Variants in PACSIN2 observed in about 807,000 individuals in gnomAD.
PACSIN2 encodes the protein protein kinase C and casein kinase substrate in neurons 2, also known as protein kinase C and casein kinase substrate in neurons protein 2.
A neutral mutation model predicts 63.8 loss-of-function variants in PACSIN2; 25 were observed. The observed-to-expected ratio is 0.39, with a 90% CI of 0.29 to 0.55. PACSIN2 has a LOEUF of 0.55. Among genes scored for constraint, PACSIN2 ranks in the 20% least tolerant of loss-of-function variants. The pLI, the probability that PACSIN2 is intolerant of heterozygous loss-of-function variation, is 0.62. For synonymous variants in PACSIN2, 255 were observed against 256.2 expected, an observed-to-expected ratio of 1.00 and a Z score of 0.05; for missense variants, 518 against 646.9, an observed-to-expected ratio of 0.80 and a Z score of 2.16.
At position 42,980,133 on chromosome 22, in the gene PACSIN2, A is replaced by G. The variant is rs181319574; in HGVS notation, c.-78+34888T>C. 3.1e-3 allele frequency among the ~76,000 whole-genome samples: 468 copies of G among 152,366 alleles called. 3 individuals carry two copies. Among genetic ancestry groups the G allele is most frequent in the African/African-American group, 0.011 (461 of 41,576 alleles). On this transcript the variant is annotated intron_variant, in intron 1 of 10. Coordinates refer to ENST00000263246, the MANE Select transcript of PACSIN2 (RefSeq NM_001184970.3). ...AAATTATAGGTATGGCAAAACAAGT[A>G]TAGAGTATTGGGTGAAAATTTGTAA...
At chr22:42,998,577 A>C (rs761325058) in intron 1 of PACSIN2, among the ~76,000 whole-genome samples, 24 of 152,236 alleles carry the variant, frequency 1.6e-4, no homozygotes, top group Admixed American at 5.2e-4. Flanking sequence ...TCCAGATGAC[A>C]AAAGGCTACT....
chr22:42,980,579 C>T (rs1922028187), intron 1 of PACSIN2, among the ~76,000 whole-genome samples: 1 of 135,770 alleles, frequency 7.4e-6, no homozygotes, highest in African/African-American at 2.8e-5. Flanking sequence ...CTCACTGCAA[C>T]CTCCCTGCCT....
intron 5 of PACSIN2, among the ~76,000 whole-genome samples, chr22:42,886,930 T>A (rs542543695): frequency 1.5e-4 from 23 of 152,308 alleles, no homozygotes; most frequent in Non-Finnish European, 2.4e-4. Flanking sequence ...CTGTCAAACA[T>A]GAAAGGCCTC....
chr22:42,978,382 A>G (rs1049741500), intron 1 of PACSIN2, among the ~76,000 whole-genome samples: 11 of 152,214 alleles, frequency 7.2e-5, no homozygotes, highest in African/African-American at 2.4e-4. Flanking sequence ...TAACAAATCC[A>G]ATAACCTATA....
At chr22:42,974,993 G>C (rs1921592220) in intron 1 of PACSIN2, among the ~76,000 whole-genome samples, 1 of 152,094 alleles carries the variant, frequency 6.6e-6, no homozygotes, top group Non-Finnish European at 1.5e-5. Flanking sequence ...ACTGTGCCAG[G>C]GCCTAGAATG....
chr22:43,003,283 G>T (rs1923878752), intron 1 of PACSIN2, among the ~76,000 whole-genome samples: 1 of 152,204 alleles, frequency 6.6e-6, no homozygotes, highest in Non-Finnish European at 1.5e-5. Flanking sequence ...GAAGTCATTT[G>T]ACACAAAAGT....
intron 1 of PACSIN2, among the ~76,000 whole-genome samples, chr22:42,997,178 T>A (rs1923463460): frequency 6.6e-6 from 1 of 152,158 alleles, no homozygotes; most frequent in South Asian, 2.1e-4. Context: ...GAATGTAAGA[T>A]CATGGACTAC....
At chr22:42,984,994 G>T (rs969114914) in intron 1 of PACSIN2, among the ~76,000 whole-genome samples, 1 of 152,188 alleles carries the variant, frequency 6.6e-6, no homozygotes, top group African/African-American at 2.4e-5. Flanking sequence ...GGCAACCAAA[G>T]GTCAGGAAAG....
intron 1 of PACSIN2, among the ~76,000 whole-genome samples, chr22:43,014,138 A>G (rs1445951570): frequency 6.6e-6 from 1 of 151,980 alleles, no homozygotes; most frequent in Admixed American, 6.6e-5. Flanking sequence ...TACCTCTCCA[A>G]TTGCGGACCT....
chr22:42,964,355 T>C (rs935017369), intron 1 of PACSIN2, among the ~76,000 whole-genome samples: 2 of 150,232 alleles, frequency 1.3e-5, no homozygotes, highest in Non-Finnish European at 1.5e-5. Context: ...GAGGTGGAGG[T>C]TGCAGTGAGC....
chr22:42,883,175 A>T (rs1929208383), intron 6 of PACSIN2, among the ~76,000 whole-genome samples: 1 of 152,182 alleles, frequency 6.6e-6, no homozygotes, highest in Admixed American at 6.5e-5. Context: ...CTCCACATGC[A>T]GAAGAGCCTG....
intron 1 of PACSIN2, among the ~76,000 whole-genome samples, chr22:42,967,069 C>T (rs1192464919): frequency 6.6e-6 from 1 of 151,884 alleles, no homozygotes; most frequent in Admixed American, 6.6e-5. Flanking sequence ...GGTAGACGGA[C>T]GAGTACCCAG....
At chr22:42,979,053 C>T (rs1921891220) in intron 1 of PACSIN2, among the ~76,000 whole-genome samples, 1 of 152,166 alleles carries the variant, frequency 6.6e-6, no homozygotes, top group African/African-American at 2.4e-5. Flanking sequence ...ACCAATCCCC[C>T]TGCAGTATAG....
intron 1 of PACSIN2, among the ~76,000 whole-genome samples, chr22:42,973,135 T>C (rs957506860): frequency 9.9e-5 from 15 of 152,136 alleles, no homozygotes; most frequent in South Asian, 4.2e-4. Context: ...AGAATATCAG[T>C]GAAATATTCC....
At chr22:42,914,574 A>T (rs548484132) in intron 1 of PACSIN2, among the ~76,000 whole-genome samples, 25 of 152,144 alleles carry the variant, frequency 1.6e-4, no homozygotes, top group Non-Finnish European at 2.9e-4. Context: ...GAGTCGCCTC[A>T]CCCCATGTTT....
chr22:42,935,952 G>A (rs185307690), intron 1 of PACSIN2, among the ~76,000 whole-genome samples: 5 of 152,220 alleles, frequency 3.3e-5, no homozygotes, highest in Admixed American at 2.0e-4. Flanking sequence ...GGTGGCTCAC[G>A]CCTGTAATCC....
intron 1 of PACSIN2, among the ~76,000 whole-genome samples, chr22:42,954,957 G>A (rs1933851413): frequency 6.6e-6 from 1 of 152,130 alleles, no homozygotes; most frequent in Non-Finnish European, 1.5e-5. Flanking sequence ...GCCACAACAA[G>A]CTCCTAAGTC....
intron 2 of PACSIN2, among the ~76,000 whole-genome samples, chr22:42,908,262 A>T (rs1761977529): frequency 6.6e-6 from 1 of 152,198 alleles, no homozygotes; most frequent in Non-Finnish European, 1.5e-5. Flanking sequence ...TTCCTAAAAT[A>T]AGTGGCGTCT....
intron 1 of PACSIN2, among the ~76,000 whole-genome samples, chr22:42,994,327 G>A (rs1923253039): frequency 6.6e-6 from 1 of 152,186 alleles, no homozygotes; most frequent in Admixed American, 6.5e-5. Flanking sequence ...CAGATAGGGA[G>A]GGACAACCCC....
Sources: gnomAD v4.1 joint callset for allele counts (sites outside exome capture counted in the v4.1 genomes callset) on GRCh38, gnomAD v4.1.1 for gene constraint, MANE v1.5 for transcripts, NCBI Gene and HGNC (gene_info 2026-07-23, HGNC 2026-07-21) for gene names.